The following MLXIP variants were observed in gnomAD, a reference collection of about 807,000 sequenced individuals.
MLXIP encodes the protein MLX interacting protein.
MLXIP carries 30 observed loss-of-function variants against 87.2 expected under a neutral mutation model. The observed-to-expected ratio is 0.34, with a 90% confidence interval of 0.26 to 0.47. MLXIP has a LOEUF of 0.47. MLXIP is among the 20% of genes least tolerant of loss of function. MLXIP has a pLI of 1.00. For synonymous variants in MLXIP, 530 were observed against 514.0 expected, an observed-to-expected ratio of 1.03 and a Z score of -0.42; for missense variants, 1,002 against 1,240.1, an observed-to-expected ratio of 0.81 and a Z score of 2.88.
At position 122,122,051 on chromosome 12, in the gene MLXIP, C is replaced by CTTT. The variant is rs35877718; in HGVS notation, c.414-5204_414-5203insTTT. ...TAGCGAATGGGTGAGTGCAGTTGAC[C>CTTT]TCTGTTCTGATGGGCAGATGGCAGG... is the stretch of plus-strand genomic sequence containing the variant. On this transcript the variant is annotated intron_variant, in intron 1 of 16. Transcript: ENST00000319080. 1.8e-4 allele frequency among the ~76,000 whole-genome samples: 7 copies of CTTT among 38,510 alleles called. No homozygotes were observed. In the South Asian group the frequency reaches 5.1e-3, roughly 28 times the overall value. The allele number at this position is 38,510 out of a possible 152,430, so 25.3% of individuals were successfully genotyped here. A position where few individuals can be genotyped will look rare whatever the true frequency, so the allele number is the denominator to read the frequency against.
chr12:122,100,040 C>T (rs1289571259), intron 1 of MLXIP, among the ~76,000 whole-genome samples: 1 of 152,118 alleles, frequency 6.6e-6, no homozygotes, highest in East Asian at 1.9e-4. Flanking sequence ...GGTCTCTGCC[C>T]CAGACAGCCA....
chr12:122,127,380 T>C lies in MLXIP; in HGVS notation c.520+18T>C. On this transcript the variant is annotated intron_variant, in intron 2 of 16. Transcript: ENST00000319080. ...CATGCAGTGTAAGTGCCGCCCAGCC[T>C]GGGCGCCGGTGGTGGTCAGAACTTC... is the stretch of plus-strand genomic sequence containing the variant. The C allele has an allele frequency of 1.3e-6, 2 of 1,566,806 alleles. No homozygotes were observed. Among genetic ancestry groups the C allele is most frequent in the Non-Finnish European group, 1.7e-6 (2 of 1,150,280 alleles).
In MLXIP at chr12:122,115,400, T is replaced by C. The variant is rs887146299; in HGVS notation, c.414-11856T>C. On this transcript the variant is annotated intron_variant, in intron 1 of 16. Transcript: ENST00000319080. ...GTCGGGAGTTCAAGACCACCCTGGC[T>C]AACATGGTGAAACCCCGTCTCTACT... Among the ~76,000 whole-genome samples, 36 of 150,906 alleles carry C rather than the reference T, an allele frequency of 2.4e-4. 2 individuals carry two copies. Among genetic ancestry groups the C allele is most frequent in the Admixed American group, 5.3e-4 (8 of 15,146 alleles).
intron 1 of MLXIP, among the ~76,000 whole-genome samples, chr12:122,104,113 C>A (rs1039049668): frequency 3.3e-5 from 5 of 152,190 alleles, no homozygotes; most frequent in Admixed American, 1.3e-4. Context: ...TTATCCCCAA[C>A]CCTTGGGTAT....
intron 1 of MLXIP, among the ~76,000 whole-genome samples, chr12:122,125,724 G>A (rs1441473352): frequency 6.6e-6 from 1 of 152,248 alleles, no homozygotes; most frequent in Non-Finnish European, 1.5e-5. Flanking sequence ...CTGACCCGTT[G>A]TGCAGAGGCT....
intron 7 of MLXIP, among the ~76,000 whole-genome samples, chr12:122,131,439 G>GTTTTTTT (rs1952976837): frequency 8.9e-6 from 1 of 112,608 alleles, no homozygotes; most frequent in African/African-American, 3.2e-5. Context: ...ATTTGTTTGA[G>GTTTTTTT]TCTTTTTTTT....
intron 1 of MLXIP, among the ~76,000 whole-genome samples, chr12:122,091,722 G>A (rs1054427064): frequency 1.3e-5 from 2 of 152,096 alleles, no homozygotes; most frequent in East Asian, 3.9e-4. Flanking sequence ...TATGAAAACC[G>A]TAAGCATCAA....
intron 1 of MLXIP, among the ~76,000 whole-genome samples, chr12:122,120,614 A>G (rs993941745): frequency 4.6e-5 from 7 of 152,198 alleles, no homozygotes; most frequent in Non-Finnish European, 7.3e-5. Flanking sequence ...TTATTTTACT[A>G]CAAGAAAAAG....
chr12:122,120,960 C>G (rs1023563180), intron 1 of MLXIP, among the ~76,000 whole-genome samples: 2 of 149,536 alleles, frequency 1.3e-5, no homozygotes, highest in African/African-American at 2.5e-5. Flanking sequence ...ATGGGCTCCA[C>G]CACTGTTCTG....
chr12:122,129,073 A>C (rs1565981710), intron 3 of MLXIP, 64 bp from the exon 4 acceptor site: 1 of 1,347,020 alleles, frequency 7.4e-7, no homozygotes, highest in Admixed American at 2.0e-5. Flanking sequence ...TACTCAGTAC[A>C]CCAGTTGAGC....
chr12:122,101,351 T>C (rs1282382796), intron 1 of MLXIP, among the ~76,000 whole-genome samples: 2 of 151,718 alleles, frequency 1.3e-5, no homozygotes, highest in Non-Finnish European at 2.9e-5. Context: ...CTTTTTTTTT[T>C]TCCTGTGCCC....
At position 122,133,603 on chromosome 12, in the gene MLXIP, T is replaced by C. The variant is rs534841768; in HGVS notation, c.1348T>C (p.Leu450=). ...SPAPPPISPV[L]PLVPPPATAL... The stretch of plus-strand genomic sequence containing the variant: ...CGCCCCACCGCCCATCTCCCCCGTG[T>C]TACCATTAGTTCCTCCTCCTGCCAC... Residue 450 remains leucine (L), a synonymous_variant, in exon 9 of 17, where the codon TTA becomes CTA. Transcript: ENST00000319080. The surrounding 1 kb of genome is among the most constrained non-coding windows in gnomAD (Gnocchi z 4.9). The C allele has an allele frequency of 5.7e-6, 9 of 1,583,324 alleles. No homozygotes were observed. Among genetic ancestry groups the C allele is most frequent in the Admixed American group, 1.7e-5 (1 of 58,814 alleles).
At chr12:122,110,934 G>T (rs1032874567) in intron 1 of MLXIP, among the ~76,000 whole-genome samples, 4 of 151,718 alleles carry the variant, frequency 2.6e-5, no homozygotes, top group African/African-American at 9.7e-5. Flanking sequence ...AAAATTAGCC[G>T]GGCGTGGTGG....
Position 122,138,795 on chromosome 12 carries a change from C to G in MLXIP, c.2385-20C>G. On this transcript the variant is annotated intron_variant, in intron 14 of 16. Coordinates refer to ENST00000319080, the MANE Select transcript of MLXIP (RefSeq NM_014938.6). Reference sequence around the variant, plus strand: ...TGGCCACTGGCTGCTCCACAGCTCCCACGGCTCCTGTCATTTCAGCTCCTG... The same window carrying G: ...TGGCCACTGGCTGCTCCACAGCTCCGACGGCTCCTGTCATTTCAGCTCCTG... The G allele has an allele frequency of 1.2e-6, 2 of 1,611,290 alleles. No individual in the cohort carries two copies. Among genetic ancestry groups the G allele is most frequent in the South Asian group, 2.2e-5 (2 of 90,820 alleles).
chr12:122,142,146 G>A lies in MLXIP; in HGVS notation c.*334G>A, dbSNP rs557471932. On this transcript the variant is annotated 3_prime_UTR_variant, in exon 17 of 17. Transcript: ENST00000319080. ...CTGGTGGCCTGCCGGGCCTGGCGCC[G>A]GTGAGCGGAATCGATGGGATGAGGG... is the stretch of plus-strand genomic sequence containing the variant. 1.2e-4 allele frequency: 84 copies of A among 701,210 alleles called. No homozygotes were observed. The highest frequency in any genetic ancestry group is 4.6e-4 in the Middle Eastern group (2 of 4,320). The allele number at this position is 701,210 out of a possible 1,614,324, so 43.4% of individuals were successfully genotyped here.
chr12:122,115,546 C>A (rs1952676832), intron 1 of MLXIP, among the ~76,000 whole-genome samples: 1 of 135,740 alleles, frequency 7.4e-6, no homozygotes, highest in African/African-American at 2.8e-5. Flanking sequence ...GAAGATCGCA[C>A]CATTGCACTC....
chr12:122,138,368 TG>T lies in MLXIP; in HGVS notation c.2257-54del, dbSNP rs1311090284. The T allele has an allele frequency of 3.1e-6, 5 of 1,611,612 alleles. No homozygotes were observed. In the African/African-American group the frequency reaches 5.3e-5, roughly 17 times the overall value. ...GACGTGCTCCCTGCGTGGTCATTGCTGGTGGCAGGCCTGCTGGCTGTGGGTG... is the reference window on the plus strand; with the variant it reads ...GACGTGCTCCCTGCGTGGTCATTGCTGTGGCAGGCCTGCTGGCTGTGGGTG... On this transcript the variant is annotated intron_variant, in intron 13 of 16. Transcript: ENST00000319080.
rs1370320901 is a variant in MLXIP at position 122,093,555 on chromosome 12, G to A, written c.413+14289G>A. 1.5e-4 allele frequency among the ~76,000 whole-genome samples: 19 copies of A among 127,148 alleles called. No homozygotes were observed. In the South Asian group the frequency reaches 1.7e-3, roughly 11 times the overall value. 83.4% of individuals were successfully genotyped at this position (127,148 alleles called of 152,430 possible). A position where few individuals can be genotyped will look rare whatever the true frequency, so the allele number is the denominator to read the frequency against. On this transcript the variant is annotated intron_variant, in intron 1 of 16. Transcript: ENST00000319080. ...GTGTTGGTTTGGGGGGTGTGTTTGC[G>A]GTGCCTGTGGCATGGGTGTAGTGTG...
At chr12:122,129,304 CGGTA>C in intron 4 of MLXIP, 78 bp downstream of exon 4, 1 of 1,306,936 alleles carries the variant, frequency 7.7e-7, no homozygotes, top group Non-Finnish European at 1.1e-6. Flanking sequence ...CTGGCCGAGG[CGGTA>C]GGCTCCACAG....
Sources: allele counts gnomAD v4.1 joint callset (sites outside exome capture counted in the v4.1 genomes callset), GRCh38; gene constraint gnomAD v4.1.1; non-coding constraint Gnocchi (gnomAD v3.1); transcripts MANE v1.5; gene names NCBI Gene and HGNC (gene_info 2026-07-23, HGNC 2026-07-21).